The following CCL28 variants were observed in gnomAD, a reference collection of about 807,000 sequenced individuals.
CCL28 encodes C-C motif chemokine 28.
In CCL28, 4 loss-of-function variants were observed where a neutral mutation model predicts 7.1. The ratio of observed to expected loss-of-function variants is 0.56; its 90% CI spans 0.28 to 1.29. The LOEUF (loss-of-function observed/expected upper bound fraction) is 1.29. Ranked by LOEUF, CCL28 falls within the 50% of genes most tolerant of loss-of-function variation. CCL28 has a pLI of 0.11. For missense variants in CCL28, 151 were observed against 163.4 expected, an observed-to-expected ratio of 0.92 and a Z score of 0.41; for synonymous variants, 55 against 57.8, an observed-to-expected ratio of 0.95 and a Z score of 0.22.
intron 1 of CCL28, among the ~76,000 whole-genome samples, chr5:43,398,434 G>T (rs1400959093): frequency 6.6e-6 from 1 of 152,152 alleles, no homozygotes; most frequent in East Asian, 1.9e-4. Context: ...TTTGTGCCCA[G>T]GCAGAGCAGA....
chr5:43,359,543 C>A, the CCL28 span, among the ~76,000 whole-genome samples: 1 of 152,184 alleles, frequency 6.6e-6, no homozygotes, highest in Non-Finnish European at 1.5e-5. Context: ...GTGTGGGTGT[C>A]ATAGCCATCA....
At chr5:43,365,191 G>A in the CCL28 span, among the ~76,000 whole-genome samples, 1 of 151,946 alleles carries the variant, frequency 6.6e-6, no homozygotes, top group African/African-American at 2.4e-5. Flanking sequence ...TTTTAGTAGA[G>A]ATGTGGTTTC....
intron 1 of CCL28, among the ~76,000 whole-genome samples, chr5:43,400,426 T>C (rs1362242318): frequency 6.6e-6 from 1 of 152,126 alleles, no homozygotes; most frequent in Non-Finnish European, 1.5e-5. Context: ...ACTCAGGCTA[T>C]CCTCCCACCT....
chr5:43,391,832 G>T (rs925399391), intron 1 of CCL28, among the ~76,000 whole-genome samples: 1 of 152,124 alleles, frequency 6.6e-6, no homozygotes, highest in Non-Finnish European at 1.5e-5. Context: ...TTATAAATGG[G>T]TAATAATATG....
At chr5:43,358,123 A>G in the CCL28 span, among the ~76,000 whole-genome samples, 1 of 152,248 alleles carries the variant, frequency 6.6e-6, no homozygotes, top group South Asian at 2.1e-4. Flanking sequence ...GAAGCACAAT[A>G]CAGGCCCTTC....
the CCL28 span, among the ~76,000 whole-genome samples, chr5:43,370,810 C>T: frequency 1.3e-5 from 2 of 149,822 alleles, no homozygotes; most frequent in Non-Finnish European, 3.0e-5. Flanking sequence ...GGCGTGACCT[C>T]GGCTCACTGC....
the CCL28 span, among the ~76,000 whole-genome samples, chr5:43,370,360 T>C: frequency 6.6e-6 from 1 of 152,032 alleles, no homozygotes; most frequent in Non-Finnish European, 1.5e-5. Context: ...TCTTATGAGG[T>C]CATGACTACG....
intron 1 of CCL28, among the ~76,000 whole-genome samples, chr5:43,403,891 A>G (rs1364804850): frequency 6.6e-6 from 1 of 152,218 alleles, no homozygotes; most frequent in Non-Finnish European, 1.5e-5. Context: ...GATTCGACCA[A>G]CTGGAAGGAA....
the CCL28 span, among the ~76,000 whole-genome samples, chr5:43,367,336 T>C: frequency 6.6e-6 from 1 of 152,210 alleles, no homozygotes; most frequent in African/African-American, 2.4e-5. Flanking sequence ...CCCAGTTTTG[T>C]GCTTGAAACC....
chr5:43,390,778 A>G (rs1740538415), intron 1 of CCL28, among the ~76,000 whole-genome samples: 1 of 152,220 alleles, frequency 6.6e-6, no homozygotes, highest in Admixed American at 6.5e-5. Flanking sequence ...AGGACCCACT[A>G]TTTGAGAATT....
chr5:43,387,796 T>A (rs2111750815), intron 2 of CCL28, among the ~76,000 whole-genome samples: 1 of 152,286 alleles, frequency 6.6e-6, no homozygotes, highest in East Asian at 1.9e-4. Context: ...TGGCTAGTTT[T>A]AAAGTTTTTT....
chr5:43,387,359 T>C (rs1366652585), intron 2 of CCL28, among the ~76,000 whole-genome samples: 1 of 152,206 alleles, frequency 6.6e-6, no homozygotes, highest in African/African-American at 2.4e-5. Context: ...CCTCACAGCA[T>C]TGTTGTCAGA....
At chr5:43,386,214 A>G (rs904084335) in intron 2 of CCL28, among the ~76,000 whole-genome samples, 1 of 152,224 alleles carries the variant, frequency 6.6e-6, no homozygotes, top group Admixed American at 6.5e-5. Context: ...AACTACCTAG[A>G]GCATTGTCTA....
intron 1 of CCL28, among the ~76,000 whole-genome samples, chr5:43,405,275 A>G (rs1356731547): frequency 6.6e-6 from 1 of 152,248 alleles, no homozygotes; most frequent in Non-Finnish European, 1.5e-5. Context: ...AATGTAAAAG[A>G]ACAGAAATTA....
downstream of CCL28, among the ~76,000 whole-genome samples, chr5:43,377,889 CGCCCG>C (rs1341962163): frequency 2.7e-5 from 4 of 149,356 alleles, no homozygotes; most frequent in African/African-American, 9.9e-5. Context: ...CCCGCCACTA[CGCCCG>C]GCTAATTTTT....
At chr5:43,405,302 A>T (rs1741226724) in intron 1 of CCL28, among the ~76,000 whole-genome samples, 1 of 152,254 alleles carries the variant, frequency 6.6e-6, no homozygotes, top group Non-Finnish European at 1.5e-5. Flanking sequence ...ACTGTCTCTC[A>T]GACCACATGC....
Position 43,388,344 on chromosome 5 carries a change from A to G in CCL28, c.191+6T>C, listed in dbSNP as rs1448682004. The G allele has an allele frequency of 1.9e-6, 3 of 1,613,952 alleles. No individual in the cohort carries two copies. In the African/African-American group the frequency reaches 4.0e-5, roughly 22 times the overall value. ...GGTTTAGACCTCCCGGCTGATGAGCACTCACATGACAGCAGCCAAGTCACA... is the reference window on the plus strand; with the variant it reads ...GGTTTAGACCTCCCGGCTGATGAGCGCTCACATGACAGCAGCCAAGTCACA... On this transcript the variant is annotated splice_donor_region_variant and intron_variant, in intron 2 of 2. Transcript: ENST00000361115.
At chr5:43,378,536 C>G (rs1347570455), downstream of CCL28, among the ~76,000 whole-genome samples, 6 of 152,280 alleles carry the variant, frequency 3.9e-5, no homozygotes, top group African/African-American at 1.4e-4. Flanking sequence ...AGGTGATTTA[C>G]TCATAATACA....
downstream of CCL28, among the ~76,000 whole-genome samples, chr5:43,376,220 G>A (rs1481455596): frequency 6.6e-6 from 1 of 152,264 alleles, no homozygotes; most frequent in South Asian, 2.1e-4. Context: ...GAATTTTTCC[G>A]ACTACATTGG....
Sources: gnomAD v4.1 joint callset for allele counts (sites outside exome capture counted in the v4.1 genomes callset) on GRCh38, gnomAD v4.1.1 for gene constraint, MANE v1.5 for transcripts, NCBI Gene and HGNC (gene_info 2026-07-23, HGNC 2026-07-21) for gene names.